Variants in MAML3 observed in about 807,000 individuals in gnomAD.
MAML3 encodes the protein mastermind like transcriptional coactivator 3, also known as mastermind-like protein 3.
A neutral mutation model predicts 101.9 loss-of-function variants in MAML3; 27 were observed. The observed-to-expected ratio is 0.27, with a 90% confidence interval of 0.20 to 0.37. MAML3 has a LOEUF of 0.37. Ranked by LOEUF, MAML3 falls within the 10% of genes least tolerant of loss-of-function variation. MAML3 has a pLI of 1.00. For synonymous variants in MAML3, 501 were observed against 555.9 expected, an observed-to-expected ratio of 0.90 and a Z score of 1.39; for missense variants, 1,316 against 1,444.9, an observed-to-expected ratio of 0.91 and a Z score of 1.45.
intron 2 of MAML3, among the ~76,000 whole-genome samples, chr4:139,822,122 A>T (rs1476250441): frequency 2.0e-5 from 3 of 152,034 alleles, no homozygotes; most frequent in Non-Finnish European, 4.4e-5. Context: ...CAACATTATC[A>T]CCATCATCAC....
chr4:139,954,067 G>C (rs534770446), intron 1 of MAML3, among the ~76,000 whole-genome samples: 3 of 152,330 alleles, frequency 2.0e-5, no homozygotes, highest in South Asian at 4.1e-4. Flanking sequence ...ACAAGTGTCA[G>C]TTGACTCTTG....
intron 1 of MAML3, among the ~76,000 whole-genome samples, chr4:140,124,933 T>G (rs1728661950): frequency 6.6e-6 from 1 of 152,222 alleles, no homozygotes; most frequent in African/African-American, 2.4e-5. Flanking sequence ...AGGCCCTATA[T>G]CCAATGCCAA....
Position 140,024,822 on chromosome 4 carries a change from T to C in MAML3, c.468+128038A>G, listed in dbSNP as rs191648021. Among the ~76,000 whole-genome samples, 20 of 152,304 alleles carry C rather than the reference T, an allele frequency of 1.3e-4. No individual in the cohort carries two copies. The East Asian group carries it at 3.7e-3, about 28-fold the overall frequency. The stretch of plus-strand genomic sequence containing the variant: ...AACACTGGTTAGAGACGTGAAAACA[T>C]ATCTTCTCTGTTCAATGCCATGAGA... On this transcript the variant is annotated intron_variant, in intron 1 of 4. Coordinates refer to ENST00000509479, the MANE Select transcript of MAML3 (RefSeq NM_018717.5).
chr4:140,123,895 C>T (rs914797728), intron 1 of MAML3, among the ~76,000 whole-genome samples: 13 of 152,142 alleles, frequency 8.5e-5, no homozygotes, highest in African/African-American at 2.9e-4. Flanking sequence ...TGAGGTGGTG[C>T]GAGGTGAGAC....
intron 1 of MAML3, among the ~76,000 whole-genome samples, chr4:140,013,507 GT>G (rs1726598411): frequency 6.6e-6 from 1 of 151,960 alleles, no homozygotes; most frequent in African/African-American, 2.4e-5. Flanking sequence ...TTTTGTGCCC[GT>G]TTTTCTTTTT....
At chr4:140,134,136 G>C (rs1728843250) in intron 1 of MAML3, 2 of 456,612 alleles carry the variant, frequency 4.4e-6, no homozygotes, top group South Asian at 1.5e-5. Flanking sequence ...GTCAACTGCA[G>C]GTCTTTTGTG....
At chr4:139,994,677 T>A (rs576916219) in intron 1 of MAML3, among the ~76,000 whole-genome samples, 1 of 152,078 alleles carries the variant, frequency 6.6e-6, no homozygotes, top group South Asian at 2.1e-4. Context: ...AATGAATGAA[T>A]TAATTAATTA....
chr4:140,041,916 T>A (rs1454534813), intron 1 of MAML3, among the ~76,000 whole-genome samples: 1 of 152,198 alleles, frequency 6.6e-6, no homozygotes. Flanking sequence ...AGTAAGACTA[T>A]ATGGGTAGCA....
chr4:139,763,293 G>C (rs1198091991), intron 2 of MAML3, among the ~76,000 whole-genome samples: 1 of 152,146 alleles, frequency 6.6e-6, no homozygotes, highest in Non-Finnish European at 1.5e-5. Flanking sequence ...GGGAATCCTA[G>C]AGTTTATTCT....
chr4:140,010,495 T>C (rs969656546), intron 1 of MAML3, among the ~76,000 whole-genome samples: 2 of 152,218 alleles, frequency 1.3e-5, no homozygotes, highest in African/African-American at 4.8e-5. Flanking sequence ...TAGATCAGTT[T>C]AAACAATTTA....
intron 1 of MAML3, among the ~76,000 whole-genome samples, chr4:139,892,977 AC>A (rs1324793236): frequency 1.3e-5 from 2 of 149,412 alleles, no homozygotes; most frequent in African/African-American, 2.5e-5. Context: ...GCCAAAAACC[AC>A]CTGGCTCCTG....
At chr4:139,798,034 G>GAGAGAGAA (rs1308897622) in intron 2 of MAML3, among the ~76,000 whole-genome samples, 36 of 124,578 alleles carry the variant, frequency 2.9e-4, no homozygotes, top group African/African-American at 1.0e-3. Flanking sequence ...AGGAGAGAGA[G>GAGAGAGAA]AGAAAGAAAG....
At chr4:139,860,610 G>A (rs945450519) in intron 2 of MAML3, among the ~76,000 whole-genome samples, 1 of 152,218 alleles carries the variant, frequency 6.6e-6, no homozygotes, top group Admixed American at 6.5e-5. Flanking sequence ...CTTAGGCAGG[G>A]ACTGGGCCAG....
intron 1 of MAML3, among the ~76,000 whole-genome samples, chr4:140,032,949 T>TG (rs1175457573): frequency 1.3e-5 from 2 of 151,982 alleles, no homozygotes; most frequent in South Asian, 4.1e-4. Flanking sequence ...ATCGGGCTCT[T>TG]GTGCACTGGG....
At chr4:140,076,843 C>T (rs749913854) in intron 1 of MAML3, among the ~76,000 whole-genome samples, 8 of 152,162 alleles carry the variant, frequency 5.3e-5, no homozygotes, top group Admixed American at 2.0e-4. Context: ...AATCTTATCT[C>T]GTTTTTGTTT....
At chr4:139,881,121 G>A (rs902691372) in intron 2 of MAML3, among the ~76,000 whole-genome samples, 21 of 152,292 alleles carry the variant, frequency 1.4e-4, no homozygotes, top group African/African-American at 5.1e-4. Context: ...CTGAATGCCA[G>A]GGTAGATGGG....
At chr4:140,091,486 C>T (rs905381022) in intron 1 of MAML3, among the ~76,000 whole-genome samples, 33 of 144,566 alleles carry the variant, frequency 2.3e-4, no homozygotes, top group African/African-American at 8.4e-4. Flanking sequence ...CTGGTTAGAA[C>T]CCTTTCAACT....
At chr4:140,026,312 T>G (rs2110884549) in intron 1 of MAML3, among the ~76,000 whole-genome samples, 1 of 152,284 alleles carries the variant, frequency 6.6e-6, no homozygotes, top group South Asian at 2.1e-4. Context: ...TGGAGTGCAG[T>G]GGCGTGATCT....
chr4:139,739,380 T>G (rs1433199828), intron 2 of MAML3, among the ~76,000 whole-genome samples: 1 of 152,210 alleles, frequency 6.6e-6, no homozygotes, highest in African/African-American at 2.4e-5. Flanking sequence ...GCTTTGAACA[T>G]AGTTACCATA....
Sources: gnomAD v4.1 joint callset for allele counts (sites outside exome capture counted in the v4.1 genomes callset) on GRCh38, gnomAD v4.1.1 for gene constraint, MANE v1.5 for transcripts, NCBI Gene and HGNC (gene_info 2026-07-23, HGNC 2026-07-21) for gene names.